Variants in KCNQ5 observed in about 807,000 individuals in gnomAD.
KCNQ5 encodes the protein potassium voltage-gated channel subfamily Q member 5.
In KCNQ5, 30 loss-of-function variants were observed where a neutral mutation model predicts 98.2. That is an observed-to-expected ratio of 0.31 (90% CI 0.23 to 0.41). The LOEUF (loss-of-function observed/expected upper bound fraction) is 0.41, where lower values mean the gene tolerates loss of function less well. Among genes scored for constraint, KCNQ5 ranks in the 10% least tolerant of loss-of-function variants. The pLI, the probability that KCNQ5 is intolerant of heterozygous loss-of-function variation, is 1.00. For missense variants in KCNQ5, 835 were observed against 1,182.5 expected (o/e 0.71, Z 4.31); for synonymous variants, 458 against 449.4 (o/e 1.02, Z -0.24).
At chr6:72,775,834 C>T (rs994155384) in intron 1 of KCNQ5, among the ~76,000 whole-genome samples, 2 of 152,080 alleles carry the variant, frequency 1.3e-5, no homozygotes, top group Non-Finnish European at 2.9e-5. Context: ...CAAGGTCATC[C>T]AAAACAAGGA....
intron 1 of KCNQ5, among the ~76,000 whole-genome samples, chr6:72,944,734 C>G (rs1018523787): frequency 2.0e-5 from 3 of 152,184 alleles, no homozygotes; most frequent in African/African-American, 7.2e-5. Context: ...TGCCACCAAC[C>G]TGTGGCAGCC....
chr6:73,106,272 A>G (rs563642099), intron 6 of KCNQ5, among the ~76,000 whole-genome samples: 1 of 152,100 alleles, frequency 6.6e-6, no homozygotes, highest in Non-Finnish European at 1.5e-5. Flanking sequence ...GATTCACCAG[A>G]TCGTTCTGCC....
intron 1 of KCNQ5, among the ~76,000 whole-genome samples, chr6:72,734,473 C>G (rs1048982922): frequency 6.6e-6 from 1 of 152,014 alleles, no homozygotes; most frequent in African/African-American, 2.4e-5. Context: ...AGGCACCCAC[C>G]ACCACACCTG....
chr6:72,711,499 A>G (rs937329052), intron 1 of KCNQ5, among the ~76,000 whole-genome samples: 12 of 152,172 alleles, frequency 7.9e-5, no homozygotes, highest in African/African-American at 2.4e-4. Flanking sequence ...GAGATGACAC[A>G]TGAGAGTGGT....
chr6:73,127,462 G>A (rs536983377), intron 9 of KCNQ5, among the ~76,000 whole-genome samples: 2 of 152,286 alleles, frequency 1.3e-5, no homozygotes, highest in East Asian at 3.9e-4. Flanking sequence ...AAACCCAAGT[G>A]TAGATGAACT....
At position 73,185,983 on chromosome 6, in the gene KCNQ5, G is replaced by A. The variant is rs182625758; in HGVS notation, c.1578-4590G>A. On this transcript the variant is annotated intron_variant, in intron 11 of 13. Coordinates refer to ENST00000370398, the MANE Select transcript of KCNQ5 (RefSeq NM_019842.4). The stretch of plus-strand genomic sequence containing the variant: ...TTCATGCCTGTAATCCCAGCCCTTT[G>A]GAAGGCCAAGGCAGATGGATCACTT... Among the ~76,000 whole-genome samples the A allele has an allele frequency of 4.9e-3, 745 of 152,286 alleles. 2 individuals carry two copies. The highest frequency in any genetic ancestry group is 7.7e-3 in the Non-Finnish European group (525 of 68,014).
In KCNQ5 at chr6:73,113,569, C is replaced by T. The variant is rs574775271; in HGVS notation, c.1125+2166C>T. Among the ~76,000 whole-genome samples, 11 of 152,352 alleles carry T rather than the reference C, an allele frequency of 7.2e-5. No individual in the cohort carries two copies. In the South Asian group the frequency reaches 2.3e-3, roughly 32 times the overall value. On this transcript the variant is annotated intron_variant, in intron 7 of 13. Coordinates refer to ENST00000370398, the MANE Select transcript of KCNQ5 (RefSeq NM_019842.4). ...GTGTTCAATAGCTACAGGTGGCTAT[C>T]GGCTGCCATACCATACAAAAGAAAT... is the stretch of plus-strand genomic sequence containing the variant.
chr6:72,729,716 C>T (rs1757131573), intron 1 of KCNQ5, among the ~76,000 whole-genome samples: 2 of 152,148 alleles, frequency 1.3e-5, no homozygotes, highest in Admixed American at 1.3e-4. Flanking sequence ...TTGGAATTTG[C>T]TCAATGAAGT....
chr6:73,091,804 G>T (rs187980040), intron 5 of KCNQ5, among the ~76,000 whole-genome samples: 1 of 151,982 alleles, frequency 6.6e-6, no homozygotes, highest in African/African-American at 2.4e-5. Flanking sequence ...TCCTTCTTTG[G>T]CTATGTGGGC....
chr6:73,058,569 A>T (rs2082180212), intron 3 of KCNQ5, among the ~76,000 whole-genome samples: 1 of 152,234 alleles, frequency 6.6e-6, no homozygotes, highest in Non-Finnish European at 1.5e-5. Context: ...AAAGGGATCT[A>T]ATTAAACTAA....
At chr6:73,086,539 A>G (rs1321372531) in intron 5 of KCNQ5, among the ~76,000 whole-genome samples, 3 of 152,144 alleles carry the variant, frequency 2.0e-5, no homozygotes, top group Non-Finnish European at 2.9e-5. Flanking sequence ...CAAGTCAGAG[A>G]TTCCTGGGAG....
intron 1 of KCNQ5, among the ~76,000 whole-genome samples, chr6:72,837,930 TA>T (rs1169132993): frequency 8.5e-5 from 13 of 152,178 alleles, no homozygotes; most frequent in South Asian, 4.2e-4. Flanking sequence ...GACACCAAGT[TA>T]TTTTTTTTTT....
chr6:73,013,882 C>G (rs562948713), intron 2 of KCNQ5, among the ~76,000 whole-genome samples: 75 of 152,220 alleles, frequency 4.9e-4, no homozygotes, highest in African/African-American at 1.8e-3. Flanking sequence ...ATAAAGAGTT[C>G]CACTTACCAA....
At chr6:72,815,830 A>G (rs1448753214) in intron 1 of KCNQ5, among the ~76,000 whole-genome samples, 1 of 152,230 alleles carries the variant, frequency 6.6e-6, no homozygotes, top group African/African-American at 2.4e-5. Context: ...GCAGAGCCAG[A>G]CAGCCCCAAA....
At chr6:72,962,200 T>TACAC (rs1554191160) in intron 1 of KCNQ5, among the ~76,000 whole-genome samples, 17 of 99,958 alleles carry the variant, frequency 1.7e-4, no homozygotes, top group African/African-American at 5.0e-4. Context: ...TATATATATA[T>TACAC]ACATATATAT....
At chr6:73,104,193 A>G (rs1290346013) in intron 5 of KCNQ5, among the ~76,000 whole-genome samples, 2 of 152,098 alleles carry the variant, frequency 1.3e-5, no homozygotes, top group Non-Finnish European at 2.9e-5. Context: ...ATAATCTTAT[A>G]TATAGAAAAC....
chr6:73,184,573 G>C (rs1778503247), intron 11 of KCNQ5, among the ~76,000 whole-genome samples: 1 of 152,134 alleles, frequency 6.6e-6, no homozygotes, highest in South Asian at 2.1e-4. Flanking sequence ...TACTTGCCAG[G>C]GATTATGCAG....
intron 3 of KCNQ5, among the ~76,000 whole-genome samples, chr6:73,066,716 T>C (rs1773074153): frequency 6.6e-6 from 1 of 152,180 alleles, no homozygotes. Context: ...CCCTGAGAGA[T>C]AAGTGGTGAC....
At chr6:72,731,371 G>A (rs1770542666) in intron 1 of KCNQ5, among the ~76,000 whole-genome samples, 1 of 152,192 alleles carries the variant, frequency 6.6e-6, no homozygotes, top group African/African-American at 2.4e-5. Context: ...ATTTTTATTA[G>A]GCTTGGCTCC....
Sources: gnomAD v4.1 joint callset for allele counts (sites outside exome capture counted in the v4.1 genomes callset) on GRCh38, gnomAD v4.1.1 for gene constraint, MANE v1.5 for transcripts, NCBI Gene and HGNC (gene_info 2026-07-23, HGNC 2026-07-21) for gene names.